The following DNAJC1 variants were observed in gnomAD, a reference collection of about 807,000 sequenced individuals.
DNAJC1 encodes the protein DnaJ heat shock protein family (Hsp40) member C1.
Under a neutral mutation model 76.6 loss-of-function variants are expected in DNAJC1, and 58 were observed. That is an observed-to-expected ratio of 0.76 (90% CI 0.61 to 0.94). The LOEUF is 0.94. Ranked by LOEUF, DNAJC1 falls within the 40% of genes least tolerant of loss-of-function variation. The pLI, the probability that DNAJC1 is intolerant of heterozygous loss-of-function variation, is 0.00. For missense variants in DNAJC1, 689 were observed against 677.3 expected (o/e 1.02, Z -0.19); for synonymous variants, 258 against 267.9 (o/e 0.96, Z 0.36).
At chr10:21,980,789 T>TA (rs903149371) in intron 1 of DNAJC1, among the ~76,000 whole-genome samples, 1 of 152,146 alleles carries the variant, frequency 6.6e-6, no homozygotes, top group Non-Finnish European at 1.5e-5. Flanking sequence ...AAATTATACA[T>TA]AAAAAGTTTT....
chr10:21,785,083 T>G (rs1018940286), intron 9 of DNAJC1, among the ~76,000 whole-genome samples: 2 of 152,182 alleles, frequency 1.3e-5, no homozygotes, highest in African/African-American at 4.8e-5. Context: ...ATCAGCTTCT[T>G]GCTTTAAAAA....
intron 1 of DNAJC1, among the ~76,000 whole-genome samples, chr10:21,946,614 A>C (rs753938363): frequency 1.3e-5 from 2 of 152,212 alleles, no homozygotes; most frequent in Non-Finnish European, 2.9e-5. Flanking sequence ...AGTATCTACT[A>C]AAGCTGAACA....
intron 1 of DNAJC1, among the ~76,000 whole-genome samples, chr10:21,953,818 C>CT (rs1837636200): frequency 4.2e-5 from 2 of 47,148 alleles, no homozygotes; most frequent in African/African-American, 8.9e-5. Context: ...TAAAACTGAA[C>CT]TTTAAAAAAA....
chr10:21,964,785 C>A (rs1050926617), intron 1 of DNAJC1, among the ~76,000 whole-genome samples: 5 of 151,310 alleles, frequency 3.3e-5, no homozygotes, highest in Admixed American at 6.6e-5. Context: ...TGAAAGGCAG[C>A]TTCACTTGGC....
At chr10:21,905,156 T>C (rs1015650580) in intron 6 of DNAJC1, among the ~76,000 whole-genome samples, 11 of 151,816 alleles carry the variant, frequency 7.2e-5, no homozygotes, top group Admixed American at 4.6e-4. Context: ...GTCTTGAGGA[T>C]TGAGGACTGA....
At chr10:21,911,040 AAAGGAAGGAAGGAAGGAAGGAAGG>A (rs56239918) in intron 6 of DNAJC1, among the ~76,000 whole-genome samples, 51 of 130,118 alleles carry the variant, frequency 3.9e-4, no homozygotes, top group African/African-American at 1.0e-3. Flanking sequence ...AAAGAGAGAG[AAAGGAAGGAAGGAAGGAAGGAAGG>A]AAGGAAGGAA....
intron 8 of DNAJC1, among the ~76,000 whole-genome samples, chr10:21,823,185 G>C (rs1835188952): frequency 1.3e-5 from 2 of 152,266 alleles, no homozygotes; most frequent in South Asian, 4.1e-4. Flanking sequence ...AAATCTATTA[G>C]AGGAGCTTTT....
In DNAJC1 at chr10:21,813,026, T is replaced by C. The variant is rs201804442; in HGVS notation, c.979-6927A>G. Among the ~76,000 whole-genome samples, 340 of 132,450 alleles carry C rather than the reference T, an allele frequency of 2.6e-3. 2 individuals carry two copies. The highest frequency in any genetic ancestry group is 8.0e-3 in the Middle Eastern group (2 of 250). 86.9% of individuals were successfully genotyped at this position (132,450 alleles called of 152,430 possible). A position where few individuals can be genotyped will look rare whatever the true frequency, so the allele number is the denominator to read the frequency against. On this transcript the variant is annotated intron_variant, in intron 8 of 11. Transcript: ENST00000376980. ...ATGATAAAAGACATATACACACACATACACACACACACACACACACACACA... is the reference window on the plus strand; with the variant it reads ...ATGATAAAAGACATATACACACACACACACACACACACACACACACACACA...
intron 1 of DNAJC1, among the ~76,000 whole-genome samples, chr10:21,988,946 A>G (rs1280514984): frequency 1.3e-5 from 2 of 152,182 alleles, no homozygotes; most frequent in Admixed American, 6.5e-5. Context: ...GGTATCTCCA[A>G]TAACAGGGAC....
chr10:21,829,909 C>A (rs1006057424), intron 8 of DNAJC1, among the ~76,000 whole-genome samples: 2 of 152,008 alleles, frequency 1.3e-5, no homozygotes, highest in Non-Finnish European at 2.9e-5. Context: ...GCTCATGATC[C>A]TCTCTCAATT....
chr10:21,988,872 T>C (rs1441435836), intron 1 of DNAJC1, among the ~76,000 whole-genome samples: 1 of 152,224 alleles, frequency 6.6e-6, no homozygotes, highest in Non-Finnish European at 1.5e-5. Context: ...TAAGATTCAA[T>C]ATCTCTTTTC....
At chr10:21,920,531 T>C (rs1185849643) in intron 4 of DNAJC1, 3 of 262,028 alleles carry the variant, frequency 1.1e-5, no homozygotes, top group African/African-American at 4.4e-5. Context: ...AATGAAAACA[T>C]GGCTCTACCT....
At chr10:21,851,093 G>C (rs1180091571) in intron 8 of DNAJC1, among the ~76,000 whole-genome samples, 2 of 152,080 alleles carry the variant, frequency 1.3e-5, no homozygotes, top group African/African-American at 4.8e-5. Context: ...TCACGCTCTT[G>C]GATTTGACAA....
intron 7 of DNAJC1, among the ~76,000 whole-genome samples, chr10:21,901,833 G>C (rs1406273227): frequency 6.6e-6 from 1 of 152,174 alleles, no homozygotes; most frequent in Non-Finnish European, 1.5e-5. Flanking sequence ...TTATGAACTT[G>C]ATATTCTGAT....
Position 21,919,813 on chromosome 10 carries a change from T to A in DNAJC1, c.635+19A>T, listed in dbSNP as rs1400295003. 2.6e-6 allele frequency: 4 copies of A among 1,543,008 alleles called. No individual in the cohort carries two copies. In the South Asian group the frequency reaches 4.7e-5, roughly 18 times the overall value. On this transcript the variant is annotated intron_variant, in intron 5 of 11. Transcript: ENST00000376980. ...TTTAAAACAGCTTCAAATTATAAAG[T>A]ATTTTTATATGCTCTCACCTTTCAT...
chr10:21,898,078 C>T (rs1836573511), intron 7 of DNAJC1, among the ~76,000 whole-genome samples: 2 of 152,168 alleles, frequency 1.3e-5, no homozygotes. Flanking sequence ...ACACAGTGAA[C>T]ATGCGGAAAC....
chr10:21,778,145 C>T (rs1162448158), intron 9 of DNAJC1, among the ~76,000 whole-genome samples: 4 of 151,986 alleles, frequency 2.6e-5, no homozygotes, highest in Admixed American at 1.3e-4. Context: ...GCCAAGATGG[C>T]ACCACACCAC....
At chr10:21,902,963 T>C (rs965731082) in intron 7 of DNAJC1, among the ~76,000 whole-genome samples, 7 of 152,120 alleles carry the variant, frequency 4.6e-5, no homozygotes, top group African/African-American at 7.2e-5. Context: ...GTTTCACTCT[T>C]GTCACCCAGG....
At chr10:21,759,709 C>A (rs889262103) in intron 10 of DNAJC1, 91 bp from the exon 11 acceptor site, 1 of 1,215,330 alleles carries the variant, frequency 8.2e-7, no homozygotes, top group Non-Finnish European at 1.2e-6. Flanking sequence ...GAGCAGGCAG[C>A]GCACTAGGCA....
Sources: gnomAD v4.1 joint callset for allele counts (sites outside exome capture counted in the v4.1 genomes callset) on GRCh38, gnomAD v4.1.1 for gene constraint, MANE v1.5 for transcripts, NCBI Gene and HGNC (gene_info 2026-07-23, HGNC 2026-07-21) for gene names.